Variants in GXYLT2 observed in about 807,000 individuals in gnomAD.
GXYLT2 encodes glucoside xylosyltransferase 2.
A neutral mutation model predicts 45.8 loss-of-function variants in GXYLT2; 53 were observed. The ratio of observed to expected loss-of-function variants is 1.16; its 90% CI spans 0.93 to 1.46. The LOEUF is 1.46. Among genes scored for constraint, GXYLT2 ranks in the 40% most tolerant of loss-of-function variants. GXYLT2 has a pLI of 0.00. For missense variants in GXYLT2, 551 were observed against 544.4 expected, an observed-to-expected ratio of 1.01 and a Z score of -0.12; for synonymous variants, 219 against 214.2, an observed-to-expected ratio of 1.02 and a Z score of -0.19.
intron 3 of GXYLT2, among the ~76,000 whole-genome samples, chr3:72,941,654 C>T (rs941839152): frequency 1.3e-5 from 2 of 152,118 alleles, no homozygotes; most frequent in Admixed American, 6.6e-5. Context: ...CAGGCAGACA[C>T]ACACACACAT....
chr3:72,961,184 A>G (rs978730438), intron 5 of GXYLT2, among the ~76,000 whole-genome samples: 1 of 152,178 alleles, frequency 6.6e-6, no homozygotes, highest in Non-Finnish European at 1.5e-5. Flanking sequence ...AGCTTCATCA[A>G]GGGGTGGAAA....
rs756374263 is a variant in GXYLT2, at chr3:72,955,090, A to G, written c.601-8A>G. On this transcript the variant is annotated splice_polypyrimidine_tract_variant and splice_region_variant and intron_variant, in intron 3 of 6. Transcript: ENST00000389617. ...TCTCCCCTTTACACCCACTCCTTAC[A>G]CACAAAGGTGATTTTAAAGGATGTG... 2.5e-6 allele frequency: 4 copies of G among 1,613,032 alleles called. No individual in the cohort carries two copies. The African/African-American group carries it at 5.3e-5, about 22-fold the overall frequency.
At chr3:72,894,856 G>C (rs985137812) in intron 1 of GXYLT2, among the ~76,000 whole-genome samples, 1 of 152,192 alleles carries the variant, frequency 6.6e-6, no homozygotes, top group Non-Finnish European at 1.5e-5. Context: ...CCACTGGGCT[G>C]TGCAGTCATC....
chr3:72,919,174 C>T (rs186368665), intron 2 of GXYLT2, among the ~76,000 whole-genome samples: 19 of 152,276 alleles, frequency 1.2e-4, no homozygotes, highest in Admixed American at 7.8e-4. Context: ...ACACAAAAAC[C>T]GGTACACAGA....
chr3:72,946,540 C>T (rs1278755135), intron 3 of GXYLT2, among the ~76,000 whole-genome samples: 2 of 152,136 alleles, frequency 1.3e-5, no homozygotes, highest in Non-Finnish European at 2.9e-5. Context: ...ATTGATTCAG[C>T]ATCTGTCTGG....
intron 2 of GXYLT2, among the ~76,000 whole-genome samples, chr3:72,910,393 C>T (rs578032902): frequency 6.6e-6 from 1 of 152,258 alleles, no homozygotes; most frequent in East Asian, 1.9e-4. Context: ...TCAAAACTCA[C>T]CTCCACTATG....
At chr3:72,952,972 A>G (rs1350447698) in intron 3 of GXYLT2, among the ~76,000 whole-genome samples, 4 of 152,272 alleles carry the variant, frequency 2.6e-5, no homozygotes, top group South Asian at 4.1e-4. Flanking sequence ...AAGCTACCCC[A>G]AAGTTTGAGG....
intron 3 of GXYLT2, among the ~76,000 whole-genome samples, chr3:72,954,384 G>A (rs1044061823): frequency 1.4e-3 from 187 of 129,858 alleles, no homozygotes; most frequent in African/African-American, 6.6e-3. Context: ...GGAATTACAG[G>A]CCACTGCTCC....
In GXYLT2 at chr3:72,912,653, C is replaced by T. The variant is rs533946369; in HGVS notation, c.468+4094C>T. Among the ~76,000 whole-genome samples, 4 of 152,274 alleles carry T rather than the reference C, an allele frequency of 2.6e-5. No individual in the cohort carries two copies. The East Asian group carries it at 7.7e-4, about 29-fold the overall frequency. ...GCCTGGCTCTTTGTGAGGATGCCTG[C>T]CCCTGAAAAGAACTGAGGCCTCCAG... On this transcript the variant is annotated intron_variant, in intron 2 of 6. Transcript: ENST00000389617.
At chr3:72,929,939 G>A (rs1289535442) in intron 3 of GXYLT2, among the ~76,000 whole-genome samples, 1 of 152,194 alleles carries the variant, frequency 6.6e-6, no homozygotes, top group Non-Finnish European at 1.5e-5. Context: ...GGCCAAGGCA[G>A]GTGGATCACC....
chr3:72,945,639 C>T (rs1447936962), intron 3 of GXYLT2, among the ~76,000 whole-genome samples: 1 of 152,114 alleles, frequency 6.6e-6, no homozygotes, highest in Non-Finnish European at 1.5e-5. Flanking sequence ...TGAGTCAGAC[C>T]TGAGTGTTCA....
chr3:72,903,921 C>T (rs1265904655), intron 1 of GXYLT2, among the ~76,000 whole-genome samples: 3 of 152,114 alleles, frequency 2.0e-5, no homozygotes, highest in Non-Finnish European at 4.4e-5. Flanking sequence ...ACTAAACTAC[C>T]TAAGATTAGG....
At chr3:72,956,245 AAAAG>A (rs142126212) in intron 4 of GXYLT2, among the ~76,000 whole-genome samples, 3,038 of 152,208 alleles carry the variant, frequency 0.02, 105 homozygotes, top group African/African-American at 0.069. Context: ...TGTCTCTAAA[AAAAG>A]AAAGAAAGAA....
At position 72,964,562 on chromosome 3, in the gene GXYLT2, C is replaced by T. The variant is rs181072408; in HGVS notation, c.977-2985C>T. Among the ~76,000 whole-genome samples the T allele has an allele frequency of 2.8e-3, 428 of 152,234 alleles. 2 individuals carry two copies. The highest frequency in any genetic ancestry group is 9.8e-3 in the African/African-American group (406 of 41,542). On this transcript the variant is annotated intron_variant, in intron 5 of 6. Coordinates refer to ENST00000389617, the MANE Select transcript of GXYLT2 (RefSeq NM_001080393.2). ...GGTCTCGAACTCCTGACCTCGTGAT[C>T]CGCCCGCCTTGGCCTCCCAAAGTGC...
chr3:72,922,459 G>A (rs1470830448), intron 3 of GXYLT2, 124 bp downstream of exon 3: 2 of 913,418 alleles, frequency 2.2e-6, no homozygotes, highest in African/African-American at 3.4e-5. Context: ...TTCTGGAGCT[G>A]ATGCTCTAAG....
chr3:72,918,109 T>C (rs1016782805), intron 2 of GXYLT2, among the ~76,000 whole-genome samples: 2 of 152,148 alleles, frequency 1.3e-5, no homozygotes, highest in Non-Finnish European at 2.9e-5. Flanking sequence ...CCACAAACAA[T>C]ATATAAACAA....
At chr3:72,908,925 G>A (rs999555613) in intron 2 of GXYLT2, among the ~76,000 whole-genome samples, 1 of 152,072 alleles carries the variant, frequency 6.6e-6, no homozygotes, top group Non-Finnish European at 1.5e-5. Flanking sequence ...TTTTTTAATA[G>A]AGACAGAATT....
rs780017904 is a variant in GXYLT2 at position 72,975,123 on chromosome 3, C to T, written c.1296C>T (p.His432=). 5.5e-5 allele frequency: 88 copies of T among 1,613,398 alleles called. No homozygotes were observed. The highest frequency in any genetic ancestry group is 6.9e-5 in the Non-Finnish European group (81 of 1,179,688). Residue 432 remains histidine, a synonymous_variant, in exon 7 of 7, where the codon CAC becomes CAT. Transcript: ENST00000389617. The part of the protein sequence containing the change: ...EKTMKRAYEK[H]VIIHVGPNQM... Reference sequence around the variant, plus strand: ...CAATGAAAAGGGCTTATGAGAAACACGTCATCATCCATGTTGGCCCCAACC... The same window carrying T: ...CAATGAAAAGGGCTTATGAGAAACATGTCATCATCCATGTTGGCCCCAACC...
chr3:72,910,360 A>G (rs999890425), intron 2 of GXYLT2, among the ~76,000 whole-genome samples: 35 of 152,126 alleles, frequency 2.3e-4, no homozygotes, highest in Middle Eastern at 3.2e-3. Flanking sequence ...CACCTCCTCA[A>G]CTAGTAGACA....
Sources: allele counts gnomAD v4.1 joint callset (sites outside exome capture counted in the v4.1 genomes callset), GRCh38; gene constraint gnomAD v4.1.1; transcripts MANE v1.5; gene names NCBI Gene and HGNC (gene_info 2026-07-23, HGNC 2026-07-21).